RNF114: variants seen among roughly 807,000 people sequenced by gnomAD.
RNF114 encodes E3 ubiquitin-protein ligase RNF114.
RNF114 carries 6 observed loss-of-function variants against 28.4 expected under a neutral mutation model. The ratio of observed to expected loss-of-function variants is 0.21; its 90% CI spans 0.12 to 0.42. The LOEUF is 0.42. Among genes scored for constraint, RNF114 ranks in the 10% least tolerant of loss-of-function variants. The probability of loss-of-function intolerance (pLI) is 1.00; values close to 1 mark genes in which losing one functional copy is unlikely to be tolerated. For missense variants in RNF114, 249 were observed against 311.7 expected (o/e 0.80, Z 1.51); for synonymous variants, 115 against 116.7 (o/e 0.99, Z 0.09).
intron 5 of RNF114, among the ~76,000 whole-genome samples, chr20:49,949,718 C>T (rs752807767): frequency 6.6e-6 from 1 of 152,108 alleles, no homozygotes; most frequent in Non-Finnish European, 1.5e-5. Context: ...GATCTCAGCT[C>T]ACTGCAGCCT....
intron 2 of RNF114, chr20:49,944,401 C>T (rs1026271634): frequency 2.0e-5 from 3 of 152,182 alleles, no homozygotes; most frequent in Non-Finnish European, 4.4e-5. Context: ...TATGCTTTTG[C>T]TTTTCTCCAT....
At chr20:49,944,770 A>G (rs1170659374) in intron 2 of RNF114, 4 of 152,142 alleles carry the variant, frequency 2.6e-5, no homozygotes, top group African/African-American at 9.7e-5. Context: ...AATCCCAGCT[A>G]CTCAGGAGGC....
intron 1 of RNF114, 198 bp from the exon 2 acceptor site, chr20:49,941,363 T>G (rs1464412761): frequency 3.9e-6 from 2 of 519,176 alleles, no homozygotes; most frequent in Non-Finnish European, 3.3e-6. Context: ...TGCATTTGTT[T>G]CTGTAGTTGT....
At chr20:49,948,837 C>T (rs2090345125) in intron 4 of RNF114, among the ~76,000 whole-genome samples, 1 of 152,214 alleles carries the variant, frequency 6.6e-6, no homozygotes, top group South Asian at 2.1e-4. Context: ...TGATCCCCCT[C>T]TTCTGAGCAT....
At chr20:49,948,429 A>ATTT (rs571295310) in intron 4 of RNF114, among the ~76,000 whole-genome samples, 54 of 135,984 alleles carry the variant, frequency 4.0e-4, no homozygotes, top group South Asian at 1.2e-3. Flanking sequence ...CTGGAGCACA[A>ATTT]TTTTTTTTTT....
intron 1 of RNF114, among the ~76,000 whole-genome samples, chr20:49,939,312 A>G (rs2090298523): frequency 6.6e-6 from 1 of 152,028 alleles, no homozygotes. Context: ...AGACTCCCTC[A>G]CCTTCTCTGT....
chr20:49,939,731 G>C (rs2090299914), intron 1 of RNF114, among the ~76,000 whole-genome samples: 1 of 150,214 alleles, frequency 6.7e-6, no homozygotes, highest in Admixed American at 6.7e-5. Flanking sequence ...TTTCTACTTT[G>C]TCTCTTCTCA....
At chr20:49,941,511 G>T in intron 1 of RNF114, 50 bp from the exon 2 acceptor site, 1 of 1,517,358 alleles carries the variant, frequency 6.6e-7, no homozygotes, top group Non-Finnish European at 8.8e-7. Context: ...CATATTTGTC[G>T]TCTTGTCTCC....
chr20:49,947,231 C>T (rs1233116416), intron 4 of RNF114, among the ~76,000 whole-genome samples: 3 of 13,400 alleles, frequency 2.2e-4, no homozygotes, highest in South Asian at 2.9e-3. Flanking sequence ...CCCCCCCCCC[C>T]CCCCCAAAAA....
Position 49,952,354 on chromosome 20 carries a change from A to C in RNF114, c.*213A>C. 1.8e-6 allele frequency: 1 copy of C among 554,294 alleles called. No homozygotes were observed. Among genetic ancestry groups the C allele is most frequent in the Non-Finnish European group, 3.3e-6 (1 of 307,048 alleles). The allele number at this position is 554,294 out of a possible 1,614,324, so 34.3% of individuals were successfully genotyped here. ...CCAAAGCTGTCTTCCCCTACTGTTA[A>C]CCTTGTTTGTCACACGGTCGAGTTC... On this transcript the variant is annotated 3_prime_UTR_variant, in exon 6 of 6. Transcript: ENST00000244061.
intron 1 of RNF114, among the ~76,000 whole-genome samples, chr20:49,936,966 T>A (rs2146851939): frequency 6.6e-6 from 1 of 152,220 alleles, no homozygotes. Flanking sequence ...TGTGGCGAGT[T>A]ATTCTACTGT....
At chr20:49,951,477 C>G (rs539321132) in intron 5 of RNF114, among the ~76,000 whole-genome samples, 45 of 152,230 alleles carry the variant, frequency 3.0e-4, no homozygotes, top group Non-Finnish European at 2.8e-4. Flanking sequence ...TGCTCTGTTC[C>G]GACAGACTTA....
At chr20:49,944,277 C>G (rs971969013) in intron 2 of RNF114, 4 of 152,096 alleles carry the variant, frequency 2.6e-5, no homozygotes, top group Admixed American at 2.6e-4. Context: ...GCATGTTGCC[C>G]ATGCTGATCT....
intron 5 of RNF114, 69 bp from the exon 6 acceptor site, chr20:49,952,007 C>T (rs1421537160): frequency 1.5e-6 from 2 of 1,363,170 alleles, no homozygotes; most frequent in Non-Finnish European, 2.1e-6. Context: ...GGCTGTCCTG[C>T]TTCTACTGAA....
intron 1 of RNF114, among the ~76,000 whole-genome samples, chr20:49,940,389 C>T (rs1342077311): frequency 1.4e-5 from 2 of 147,712 alleles, no homozygotes; most frequent in African/African-American, 5.0e-5. Context: ...GGTTCATGAA[C>T]TACAAAAGGA....
chr20:49,945,310 C>A, intron 2 of RNF114, 72 bp from the exon 3 acceptor site: 2 of 903,138 alleles, frequency 2.2e-6, no homozygotes, highest in Admixed American at 1.8e-5. Flanking sequence ...TCTTTGTGCC[C>A]TTGTTTGGGA....
At chr20:49,945,636 G>T in intron 3 of RNF114, 148 bp downstream of exon 3, 1 of 595,466 alleles carries the variant, frequency 1.7e-6, no homozygotes, top group Non-Finnish European at 3.0e-6. Flanking sequence ...GGAGGACTCT[G>T]GTGTTCACTT....
chr20:49,944,622 T>TGTAAACCCA, intron 2 of RNF114: 1 of 152,364 alleles, frequency 6.6e-6, no homozygotes, highest in Middle Eastern at 3.4e-3. Context: ...AGCTCACGCC[T>TGTAAACCCA]GTAAACCCAG....
chr20:49,937,062 G>A (rs2090290056), intron 1 of RNF114, among the ~76,000 whole-genome samples: 4 of 152,210 alleles, frequency 2.6e-5, no homozygotes, highest in Admixed American at 2.6e-4. Context: ...GCCCTTAGCT[G>A]TGAAAGGGGG....
Sources: gnomAD v4.1 joint callset for allele counts (sites outside exome capture counted in the v4.1 genomes callset) on GRCh38, gnomAD v4.1.1 for gene constraint, MANE v1.5 for transcripts, NCBI Gene and HGNC (gene_info 2026-07-23, HGNC 2026-07-21) for gene names.